TASOR2: variants seen among roughly 807,000 people sequenced by gnomAD.
TASOR2 encodes transcription activation suppressor family member 2.
In TASOR2, 84 loss-of-function variants were observed where a neutral mutation model predicts 199.5. The ratio of observed to expected loss-of-function variants is 0.42; its 90% confidence interval spans 0.35 to 0.50. The LOEUF (loss-of-function observed/expected upper bound fraction) is 0.50, where lower values mean the gene tolerates loss of function less well. Among genes scored for constraint, TASOR2 ranks in the 20% least tolerant of loss-of-function variants. The pLI is 0.02. For missense variants in TASOR2, 2,796 were observed against 2,835.9 expected (o/e 0.99, Z 0.32); for synonymous variants, 1,103 against 1,046.6 (o/e 1.05, Z -1.04).
At chr10:5,705,840 A>G (rs1838519168) in intron 1 of TASOR2, among the ~76,000 whole-genome samples, 1 of 152,174 alleles carries the variant, frequency 6.6e-6, no homozygotes, top group Admixed American at 6.5e-5. Flanking sequence ...ATTTCTTAAT[A>G]ATGATACCTT....
chr10:5,737,783 A>G lies in TASOR2; in HGVS notation c.1448-1835A>G, dbSNP rs1835837050. 6.6e-6 allele frequency among the ~76,000 whole-genome samples: 1 copy of G among 152,170 alleles called. No homozygotes were observed. The highest frequency in any genetic ancestry group is 1.5e-5 in the Non-Finnish European group (1 of 68,034). On this transcript the variant is annotated intron_variant, in intron 12 of 20. Transcript: ENST00000328090. The surrounding 1 kb of genome is among the most constrained non-coding windows in gnomAD (Gnocchi z 4.9). ...GTGTCATTTGCATTCTTTGTACTGA[A>G]TTGGCTTCAGATGTTTATTGACAAA...
At chr10:5,741,856 G>C (rs996120290) in intron 13 of TASOR2, among the ~76,000 whole-genome samples, 34 of 152,186 alleles carry the variant, frequency 2.2e-4, no homozygotes, top group African/African-American at 8.0e-4. Context: ...CAGGTTTTGT[G>C]ATTTGAAAGA....
At chr10:5,758,048 C>A (rs532900190) in intron 17 of TASOR2, among the ~76,000 whole-genome samples, 2 of 152,262 alleles carry the variant, frequency 1.3e-5, no homozygotes, top group South Asian at 2.1e-4. Context: ...GATGTCAACA[C>A]CCCTACCATC....
chr10:5,747,188 A>G, exon 15 of TASOR2: 2 of 1,614,074 alleles, frequency 1.2e-6, no homozygotes, highest in Non-Finnish European at 1.7e-6. Flanking sequence ...GAAGCGTTTG[A>G]TTCAGTATTT....
Position 5,740,422 on chromosome 10 carries a change from C to G in TASOR2, c.2252C>G (p.Thr751Arg). 6.2e-7 allele frequency: 1 copy of G among 1,614,148 alleles called. No homozygotes were observed. Among genetic ancestry groups the G allele is most frequent in the Non-Finnish European group, 8.5e-7 (1 of 1,180,036 alleles). Residue 751 changes from threonine (T) to arginine (R), a missense_variant, in exon 13 of 21, where the codon ACA becomes AGA. Thr to Arg is a moderately conservative substitution (Grantham distance 71). Around this residue, in one of 3 missense-constraint regions of TASOR2, gnomAD observed 847 missense variants for 887.4 expected, o/e 0.95. Transcript: ENST00000328090. This position sits in a 1 kb window ranked among gnomAD's most constrained non-coding sequence, Gnocchi z 5.3. ...GTTAAGATCACTTTCAAATGTGAAA[C>G]AGAATATGCATTCAGTTTAGACAGC... is the stretch of plus-strand genomic sequence containing the variant.
chr10:5,687,431 A>G lies in TASOR2; in HGVS notation c.-288+2256A>G, dbSNP rs1835924629. 6.6e-6 allele frequency among the ~76,000 whole-genome samples: 1 copy of G among 152,230 alleles called. No homozygotes were observed. The highest frequency in any genetic ancestry group is 2.4e-5 in the African/African-American group (1 of 41,454). On this transcript the variant is annotated intron_variant, in intron 1 of 20. Transcript: ENST00000328090. The surrounding 1 kb of genome is among the most constrained non-coding windows in gnomAD (Gnocchi z 4.8). ...CTGTATTCTATGAGTTACTTTTGTT[A>G]AACATTGTTTCTGAGATTCACTCAT...
Position 5,730,739 on chromosome 10 carries a change from C to G in TASOR2, c.740C>G (p.Pro247Arg), listed in dbSNP as rs191812589. 1.7e-5 allele frequency: 27 copies of G among 1,614,176 alleles called. No individual in the cohort carries two copies. In the East Asian group the frequency reaches 4.5e-4, roughly 27 times the overall value. The change falls in exon 11 of 21, where the codon CCT (proline) becomes CGT (arginine). Residue 247 changes from proline to arginine, a missense_variant. Pro to Arg is a moderately radical substitution (Grantham distance 103). Coordinates refer to ENST00000328090, the Ensembl canonical transcript of TASOR2. The surrounding 1 kb of genome is among the most constrained non-coding windows in gnomAD (Gnocchi z 4.1). ...CTGCCCAGTGGTTTTGACTTGATTC[C>G]TCCAGCTGAAAAGTGCCCTTCAGAG... is the stretch of plus-strand genomic sequence containing the variant.
At position 5,699,966 on chromosome 10, in the gene TASOR2, C is replaced by G. The variant is rs1292394340; in HGVS notation, c.-287-12857C>G. Among the ~76,000 whole-genome samples, 1 of 152,150 alleles carries G rather than the reference C, an allele frequency of 6.6e-6. No individual in the cohort carries two copies. The highest frequency in any genetic ancestry group is 2.4e-5 in the African/African-American group (1 of 41,452). ...CTCTTTTCTTTGTGCTAGAACCACT[C>G]AAATTCTATTCATTTTGAAATATAT... On this transcript the variant is annotated intron_variant, in intron 1 of 20. Transcript: ENST00000328090. This position sits in a 1 kb window ranked among gnomAD's most constrained non-coding sequence, Gnocchi z 4.1.
At chr10:5,697,819 A>G (rs1359294354) in intron 1 of TASOR2, among the ~76,000 whole-genome samples, 2 of 152,240 alleles carry the variant, frequency 1.3e-5, no homozygotes, top group Non-Finnish European at 2.9e-5. Flanking sequence ...TCAGACATGT[A>G]TAACAAAAAT....
exon 15 of TASOR2, chr10:5,746,248 A>T: frequency 6.2e-7 from 1 of 1,613,764 alleles, no homozygotes; most frequent in East Asian, 2.2e-5. Context: ...TATTGGAAGT[A>T]CACAAACTAA....
chr10:5,713,051 A>C, intron 2 of TASOR2, 133 bp downstream of exon 2: 2 of 425,002 alleles, frequency 4.7e-6, no homozygotes, highest in Non-Finnish European at 7.9e-6. Flanking sequence ...CATGTAAATG[A>C]CAGCAACAAA....
rs956923346 is a variant in TASOR2, at chr10:5,742,757, C to T, written c.2757+231C>T. 6.6e-6 allele frequency among the ~76,000 whole-genome samples: 1 copy of T among 152,106 alleles called. No homozygotes were observed. Among genetic ancestry groups the T allele is most frequent in the Non-Finnish European group, 1.5e-5 (1 of 68,018 alleles). On this transcript the variant is annotated intron_variant, in intron 14 of 20. Transcript: ENST00000328090. The surrounding 1 kb of genome is among the most constrained non-coding windows in gnomAD (Gnocchi z 4.2). ...GAAAAAAACCAGAGTAGAAAAATGTCACAGGGTCCACATGATCTGGGAGCC... is the reference window on the plus strand; with the variant it reads ...GAAAAAAACCAGAGTAGAAAAATGTTACAGGGTCCACATGATCTGGGAGCC...
chr10:5,735,906 T>C (rs1381707338), intron 12 of TASOR2, among the ~76,000 whole-genome samples: 1 of 152,210 alleles, frequency 6.6e-6, no homozygotes, highest in Admixed American at 6.5e-5. Context: ...TAGAAGATTA[T>C]AAGTTTATCT....
In TASOR2 at chr10:5,698,507, C is replaced by T. The variant is rs893773990; in HGVS notation, c.-288+13332C>T. Among the ~76,000 whole-genome samples, 26 of 152,252 alleles carry T rather than the reference C, an allele frequency of 1.7e-4. No homozygotes were observed. The highest frequency in any genetic ancestry group is 2.8e-4 in the Non-Finnish European group (19 of 67,996). ...ACGATATTTTTCAAAACAATATTAG[C>T]AGAAAATAAATCACAAGTGGTCAAG... is the stretch of plus-strand genomic sequence containing the variant. On this transcript the variant is annotated intron_variant, in intron 1 of 20. Coordinates refer to ENST00000328090, the Ensembl canonical transcript of TASOR2. The surrounding 1 kb of genome is among the most constrained non-coding windows in gnomAD (Gnocchi z 4.4).
intron 1 of TASOR2, chr10:5,712,555 C>T: frequency 8.1e-7 from 1 of 1,231,302 alleles, no homozygotes; most frequent in Non-Finnish European, 1.0e-6. Flanking sequence ...GTGCTTGGTA[C>T]ACACTATGAT....
chr10:5,687,509 C>T lies in TASOR2; in HGVS notation c.-288+2334C>T, dbSNP rs1041316377. 2.0e-5 allele frequency among the ~76,000 whole-genome samples: 3 copies of T among 152,336 alleles called. 1 individual carries two copies. The highest frequency in any genetic ancestry group is 7.2e-5 in the African/African-American group (3 of 41,576). On this transcript the variant is annotated intron_variant, in intron 1 of 20. Transcript: ENST00000328090. This position sits in a 1 kb window ranked among gnomAD's most constrained non-coding sequence, Gnocchi z 4.8. ...ATTTAGAAACTTTATTCCCAGGACC[C>T]CTCTACACTTTTTAAGAACCATTGA...
At chr10:5,736,518 G>C (rs1294062275) in intron 12 of TASOR2, among the ~76,000 whole-genome samples, 1 of 152,100 alleles carries the variant, frequency 6.6e-6, no homozygotes, top group Admixed American at 6.5e-5. Context: ...GCCTCCCAAA[G>C]TGTTAGGATT....
At chr10:5,762,826 T>C (rs1419275357) in intron 20 of TASOR2, 180 bp downstream of exon 21, 3 of 632,432 alleles carry the variant, frequency 4.7e-6, no homozygotes, top group South Asian at 2.1e-5. Context: ...TCCTAAATTA[T>C]CACTAAATGA....
In TASOR2 at chr10:5,721,576, G is replaced by A. The variant is rs190576945; in HGVS notation, c.146+606G>A. 1.8e-3 allele frequency among the ~76,000 whole-genome samples: 276 copies of A among 152,120 alleles called. 1 individual carries two copies. Among genetic ancestry groups the A allele is most frequent in the Admixed American group, 3.5e-3 (53 of 15,280 alleles). ...ATCGGCCTTTTTTAAGAAGAGGTAG[G>A]AGTATAATAACCCACAACATAAAAA... is the stretch of plus-strand genomic sequence containing the variant. On this transcript the variant is annotated intron_variant, in intron 6 of 20. Transcript: ENST00000328090.
Sources: gnomAD v4.1 joint callset for allele counts (sites outside exome capture counted in the v4.1 genomes callset) on GRCh38, gnomAD v4.1.1 for gene constraint, gnomAD v4.1.1 regional missense constraint, Gnocchi (gnomAD v3.1) non-coding constraint, MANE v1.5 for transcripts, NCBI Gene and HGNC (gene_info 2026-07-23, HGNC 2026-07-21) for gene names.